The following KCNH1 variants were observed in gnomAD, a reference collection of about 807,000 sequenced individuals.
KCNH1 encodes voltage-gated delayed rectifier potassium channel KCNH1.
A neutral mutation model predicts 69.2 loss-of-function variants in KCNH1; 27 were observed. The ratio of observed to expected loss-of-function variants is 0.39; its 90% CI spans 0.29 to 0.54. KCNH1 has a LOEUF of 0.54. Ranked by LOEUF, KCNH1 falls within the 20% of genes least tolerant of loss-of-function variation. The pLI, the probability that KCNH1 is intolerant of heterozygous loss-of-function variation, is 0.68. For synonymous variants in KCNH1, 456 were observed against 487.7 expected (o/e 0.93, Z 0.86); for missense variants, 798 against 1,261.6 (o/e 0.63, Z 5.57).
intron 7 of KCNH1, among the ~76,000 whole-genome samples, chr1:210,894,606 T>C (rs1414786541): frequency 1.3e-5 from 2 of 152,146 alleles, no homozygotes; most frequent in Non-Finnish European, 2.9e-5. Context: ...CCCTCAAAAG[T>C]GCATGTGTTG....
At chr1:210,732,712 T>C (rs1682773943) in intron 10 of KCNH1, among the ~76,000 whole-genome samples, 1 of 152,220 alleles carries the variant, frequency 6.6e-6, no homozygotes, top group Admixed American at 6.5e-5. Flanking sequence ...AGATTCAGTG[T>C]CTGGCAAGGG....
chr1:210,718,647 TATATACACACACACAC>T (rs1682365417), intron 10 of KCNH1, among the ~76,000 whole-genome samples: 2 of 70,466 alleles, frequency 2.8e-5, no homozygotes, highest in African/African-American at 2.1e-4. Context: ...TATACATATA[TATATACACACACACAC>T]ACACACACAC....
At chr1:210,981,372 C>CAAAAAAA (rs10684074) in intron 6 of KCNH1, among the ~76,000 whole-genome samples, 1,057 of 83,994 alleles carry the variant, frequency 0.013, 5 homozygotes, top group Non-Finnish European at 0.017. Context: ...GTAACAACGA[C>CAAAAAAA]AAAAAAAAAA....
intron 7 of KCNH1, among the ~76,000 whole-genome samples, chr1:210,902,123 G>A (rs913488808): frequency 6.6e-6 from 1 of 152,152 alleles, no homozygotes; most frequent in Non-Finnish European, 1.5e-5. Flanking sequence ...AACCAATGAG[G>A]GGAGGGAAGA....
chr1:211,023,115 A>AAAATAAAT (rs562804540), intron 5 of KCNH1, among the ~76,000 whole-genome samples: 273 of 98,564 alleles, frequency 2.8e-3, no homozygotes, highest in Non-Finnish European at 3.7e-3. Flanking sequence ...TGTCTCAGAA[A>AAAATAAAT]AAATAAATAA....
intron 7 of KCNH1, chr1:210,862,259 C>T (rs771662617): frequency 1.9e-6 from 2 of 1,043,702 alleles, no homozygotes; most frequent in African/African-American, 1.6e-5. Context: ...CCCCGCAGGG[C>T]CTCGATAATG....
chr1:211,042,623 A>G (rs1425459325), intron 5 of KCNH1, among the ~76,000 whole-genome samples: 1 of 152,236 alleles, frequency 6.6e-6, no homozygotes, highest in Non-Finnish European at 1.5e-5. Flanking sequence ...AATGGACTTA[A>G]CAGATATTTA....
At chr1:210,996,487 A>G (rs1242520987) in intron 6 of KCNH1, among the ~76,000 whole-genome samples, 1 of 152,214 alleles carries the variant, frequency 6.6e-6, no homozygotes, top group Non-Finnish European at 1.5e-5. Flanking sequence ...GCAGCCAGGA[A>G]CCTCGAACTG....
intron 7 of KCNH1, among the ~76,000 whole-genome samples, chr1:210,888,413 T>C (rs1292901058): frequency 6.6e-6 from 1 of 151,902 alleles, no homozygotes; most frequent in Non-Finnish European, 1.5e-5. Flanking sequence ...AAAGCAGTGT[T>C]TACAGGGATA....
intron 7 of KCNH1, among the ~76,000 whole-genome samples, chr1:210,911,293 C>T (rs1687226263): frequency 6.6e-6 from 1 of 152,080 alleles, no homozygotes; most frequent in Non-Finnish European, 1.5e-5. Context: ...TGCACATGTG[C>T]CCATAACAAG....
intron 6 of KCNH1, among the ~76,000 whole-genome samples, chr1:210,946,355 C>A (rs538330607): frequency 3.3e-5 from 5 of 152,184 alleles, no homozygotes; most frequent in African/African-American, 9.6e-5. Flanking sequence ...AGGCAAGATG[C>A]CCTGCCCCTC....
rs77932019 is a variant in KCNH1, at chr1:210,806,425, C to A, written c.1463-2259G>T. Among the ~76,000 whole-genome samples the A allele has an allele frequency of 3.2e-3, 481 of 151,786 alleles. 13 individuals are homozygous for A. The East Asian group carries it at 0.079, about 25-fold the overall frequency. ...TTTTTTATTGTTGAGTTCTAAGAAC[C>A]CTTTTATATAATCTGGATACAAGTC... On this transcript the variant is annotated intron_variant, in intron 7 of 10. Transcript: ENST00000271751.
rs1558484783 is a variant in KCNH1 at position 210,823,973 on chromosome 1, G to A, written c.1463-19807C>T. The stretch of plus-strand genomic sequence containing the variant: ...TGCTCAGGCTTTTTTACTTGTTGTT[G>A]TTGTTGTTGTAGAGACAAGGTCTCA... On this transcript the variant is annotated intron_variant, in intron 7 of 10. Coordinates refer to ENST00000271751, the MANE Select transcript of KCNH1 (RefSeq NM_172362.3). Among the ~76,000 whole-genome samples, 5 of 151,888 alleles carry A rather than the reference G, an allele frequency of 3.3e-5. No homozygotes were observed. In the South Asian group the frequency reaches 1.0e-3, roughly 32 times the overall value.
At chr1:210,786,947 G>A (rs1684115852) in intron 9 of KCNH1, among the ~76,000 whole-genome samples, 1 of 152,056 alleles carries the variant, frequency 6.6e-6, no homozygotes, top group Non-Finnish European at 1.5e-5. Context: ...CTCTCAGCAT[G>A]CTCCCTGCCT....
chr1:210,894,688 G>A (rs1027187682), intron 7 of KCNH1, among the ~76,000 whole-genome samples: 2 of 152,056 alleles, frequency 1.3e-5, no homozygotes, highest in Non-Finnish European at 2.9e-5. Context: ...TATTATTGGA[G>A]TATCTTTATT....
chr1:211,081,099 A>G (rs1351192393), intron 5 of KCNH1, among the ~76,000 whole-genome samples: 1 of 152,228 alleles, frequency 6.6e-6, no homozygotes, highest in East Asian at 1.9e-4. Flanking sequence ...AGAATCTACA[A>G]AGAACTCAAA....
At chr1:210,838,588 A>G (rs1178838502) in intron 7 of KCNH1, among the ~76,000 whole-genome samples, 2 of 152,166 alleles carry the variant, frequency 1.3e-5, no homozygotes, top group African/African-American at 4.8e-5. Flanking sequence ...TAAACTAAAG[A>G]GCTTCTGCAC....
At chr1:210,954,619 T>C (rs148239132) in intron 6 of KCNH1, among the ~76,000 whole-genome samples, 2 of 152,382 alleles carry the variant, frequency 1.3e-5, no homozygotes, top group Non-Finnish European at 1.5e-5. Context: ...AGATGATATC[T>C]CATTGTGGCT....
intron 10 of KCNH1, among the ~76,000 whole-genome samples, chr1:210,718,616 G>A (rs1235109686): frequency 1.5e-5 from 1 of 66,574 alleles, no homozygotes; most frequent in Non-Finnish European, 2.7e-5. Context: ...AAAATTATAT[G>A]TATGTGTGTA....
Sources: allele counts gnomAD v4.1 joint callset (sites outside exome capture counted in the v4.1 genomes callset), GRCh38; gene constraint gnomAD v4.1.1; transcripts MANE v1.5; gene names NCBI Gene and HGNC (gene_info 2026-07-23, HGNC 2026-07-21).